The following MAD1L1 variants were observed in gnomAD, a reference collection of about 807,000 sequenced individuals.
The protein encoded by MAD1L1 is mitotic arrest deficient 1 like 1.
In MAD1L1, 95 loss-of-function variants were observed where a neutral mutation model predicts 96.9. The ratio of observed to expected loss-of-function variants is 0.98; its 90% confidence interval spans 0.83 to 1.16. The LOEUF is 1.16. MAD1L1 is among the 50% of genes most tolerant of loss of function. The pLI, the probability that MAD1L1 is intolerant of heterozygous loss-of-function variation, is 0.00. For synonymous variants in MAD1L1, 473 were observed against 396.6 expected (o/e 1.19, Z -2.29); for missense variants, 1,007 against 954.4 (o/e 1.06, Z -0.73).
intron 16 of MAD1L1, among the ~76,000 whole-genome samples, chr7:1,951,648 C>G (rs933592883): frequency 6.6e-6 from 1 of 152,222 alleles, no homozygotes; most frequent in Non-Finnish European, 1.5e-5. Flanking sequence ...GTCTATGGAT[C>G]TGATGACTCT....
intron 18 of MAD1L1, among the ~76,000 whole-genome samples, chr7:1,855,570 C>T (rs1166781994): frequency 1.3e-5 from 2 of 152,096 alleles, no homozygotes; most frequent in Non-Finnish European, 2.9e-5. Flanking sequence ...CCAGCTCCAC[C>T]CGAGGCGGGT....
chr7:1,988,142 G>A (rs978809964), intron 14 of MAD1L1, among the ~76,000 whole-genome samples: 5 of 152,356 alleles, frequency 3.3e-5, no homozygotes, highest in African/African-American at 7.2e-5. Flanking sequence ...GCGGAAGCAC[G>A]GGTGGGAAGG....
At chr7:1,847,671 G>C (rs746538198) in intron 18 of MAD1L1, 6 of 470,660 alleles carry the variant, frequency 1.3e-5, no homozygotes, top group Admixed American at 2.3e-5. Flanking sequence ...CCAAAGCCTG[G>C]ACGCATACAC....
At chr7:1,933,449 T>C (rs894104026) in intron 17 of MAD1L1, among the ~76,000 whole-genome samples, 1 of 152,148 alleles carries the variant, frequency 6.6e-6, no homozygotes, top group Non-Finnish European at 1.5e-5. Flanking sequence ...CCTGCATCTA[T>C]CAATCCGGGC....
At chr7:1,931,190 G>A (rs60026480) in intron 17 of MAD1L1, among the ~76,000 whole-genome samples, 4 of 92,064 alleles carry the variant, frequency 4.3e-5, no homozygotes, top group East Asian at 3.1e-4. Context: ...AGGGCGCGTC[G>A]TGGGGTCCAC....
At chr7:1,849,815 A>C (rs1783866938) in intron 18 of MAD1L1, 1 of 152,306 alleles carries the variant, frequency 6.6e-6, no homozygotes, top group Non-Finnish European at 1.5e-5. Flanking sequence ...CGGCAGCGGA[A>C]GCAGGACGGC....
At chr7:1,953,382 C>T (rs891913052) in intron 16 of MAD1L1, among the ~76,000 whole-genome samples, 1 of 152,196 alleles carries the variant, frequency 6.6e-6, no homozygotes, top group African/African-American at 2.4e-5. Flanking sequence ...GCCACAAACC[C>T]CACCCAGGCC....
chr7:2,084,481 G>T (rs993577307), intron 11 of MAD1L1, among the ~76,000 whole-genome samples: 67 of 152,380 alleles, frequency 4.4e-4, no homozygotes, highest in African/African-American at 1.2e-3. Context: ...GGACGAGGGA[G>T]CAGGTACCTG....
chr7:2,054,064 G>A (rs547699474), intron 12 of MAD1L1, among the ~76,000 whole-genome samples: 8 of 152,248 alleles, frequency 5.3e-5, no homozygotes, highest in Non-Finnish European at 1.2e-4. Context: ...ACCAGGGCCA[G>A]AGCCCACGAG....
chr7:2,222,652 T>A lies in MAD1L1; in HGVS notation c.394A>T (p.Arg132Trp). ...EKMQEQLERN[R>W]QCQQNLDAAS... Reference sequence around the variant, plus strand: ...GCATCCAAGTTCTGCTGACACTGCCTGTTGCGCTCCAGCTGCTCCTGCATC... The same window carrying A: ...GCATCCAAGTTCTGCTGACACTGCCAGTTGCGCTCCAGCTGCTCCTGCATC... Residue 132 changes from arginine (R) to tryptophan (W), a missense_variant, in exon 5 of 19, where the codon AGG (arginine) becomes TGG (tryptophan). By Grantham distance (101) the Arg-to-Trp change is moderately radical (BLOSUM62 -3). Transcript: ENST00000265854. The A allele has an allele frequency of 6.2e-7, 1 of 1,613,394 alleles. No homozygotes were observed.
intron 13 of MAD1L1, among the ~76,000 whole-genome samples, chr7:2,009,107 G>A (rs74859990): frequency 3.3e-5 from 5 of 152,332 alleles, no homozygotes; most frequent in East Asian, 1.9e-4. Flanking sequence ...AGCTCTTTCC[G>A]GGTGGGACCA....
At chr7:1,892,324 G>A (rs779103702) in intron 18 of MAD1L1, among the ~76,000 whole-genome samples, 1 of 152,178 alleles carries the variant, frequency 6.6e-6, no homozygotes, top group African/African-American at 2.4e-5. Flanking sequence ...CCACCAGCAC[G>A]TTCCTCAGCA....
intron 6 of MAD1L1, among the ~76,000 whole-genome samples, chr7:2,218,797 G>A (rs1793430810): frequency 6.6e-6 from 1 of 152,138 alleles, no homozygotes; most frequent in African/African-American, 2.4e-5. Context: ...CTACTCAGGA[G>A]GCCGAGGCAG....
rs149192620 is a variant in MAD1L1, at chr7:1,941,941, T to G, written c.1597-5044A>C. The stretch of plus-strand genomic sequence containing the variant: ...TCGTCTTTCTGTAAGTTCAGGGGAC[T>G]TTCCCTGCCTAACGCCTGGAGAAGG... On this transcript the variant is annotated intron_variant, in intron 16 of 18. Transcript: ENST00000265854. Among the ~76,000 whole-genome samples, 621 of 152,264 alleles carry G rather than the reference T, an allele frequency of 4.1e-3. 1 individual carries two copies. Among genetic ancestry groups the G allele is most frequent in the Non-Finnish European group, 6.7e-3 (458 of 68,010 alleles).
chr7:1,949,068 A>AC (rs528286720), intron 16 of MAD1L1, among the ~76,000 whole-genome samples: 5,155 of 152,254 alleles, frequency 0.034, 188 homozygotes, highest in Admixed American at 0.097. Flanking sequence ...AGCAAAGGAA[A>AC]AGCCCAGCTG....
At chr7:2,200,558 C>T (rs1792237056) in intron 10 of MAD1L1, 1 of 152,296 alleles carries the variant, frequency 6.6e-6, no homozygotes, top group African/African-American at 2.4e-5. Flanking sequence ...CTCTCTGCAC[C>T]TGGATAACAG....
intron 10 of MAD1L1, among the ~76,000 whole-genome samples, chr7:2,186,308 T>C (rs979132799): frequency 5.3e-5 from 8 of 152,320 alleles, no homozygotes; most frequent in South Asian, 2.1e-4. Context: ...GCAACAACTG[T>C]AGTGTATGCT....
chr7:2,098,349 C>G (rs940960055), intron 11 of MAD1L1, among the ~76,000 whole-genome samples: 2 of 152,190 alleles, frequency 1.3e-5, no homozygotes, highest in Non-Finnish European at 2.9e-5. Flanking sequence ...CCACGGGGAC[C>G]CAGGTGCTCA....
chr7:1,995,537 G>A (rs1781516618), intron 14 of MAD1L1, among the ~76,000 whole-genome samples: 1 of 152,160 alleles, frequency 6.6e-6, no homozygotes, highest in African/African-American at 2.4e-5. Context: ...GGAAGGGCGG[G>A]CGCAGGAGCC....
Sources: allele counts gnomAD v4.1 joint callset (sites outside exome capture counted in the v4.1 genomes callset), GRCh38; gene constraint gnomAD v4.1.1; transcripts MANE v1.5; gene names NCBI Gene and HGNC (gene_info 2026-07-23, HGNC 2026-07-21).